Variants in SCN9A observed in about 807,000 individuals in gnomAD.
The protein encoded by SCN9A is sodium voltage-gated channel alpha subunit 9.
A neutral mutation model predicts 187.0 loss-of-function variants in SCN9A; 131 were observed. That is an observed-to-expected ratio of 0.70 (90% CI 0.61 to 0.81). The LOEUF is 0.81. Ranked by LOEUF, SCN9A falls within the 30% of genes least tolerant of loss-of-function variation. The pLI is 0.00. For missense variants in SCN9A, 2,252 were observed against 2,396.6 expected (o/e 0.94, Z 1.26); for synonymous variants, 809 against 808.6 (o/e 1.00, Z -0.01).
At chr2:166,236,915 TA>T (rs1345916245) in intron 20 of SCN9A, among the ~76,000 whole-genome samples, 3 of 152,170 alleles carry the variant, frequency 2.0e-5, no homozygotes, top group South Asian at 4.1e-4. Context: ...AACCCTTGGT[TA>T]AATTTTAAAG....
At chr2:166,226,424 T>A in intron 24 of SCN9A, 143 bp downstream of exon 24, 1 of 606,434 alleles carries the variant, frequency 1.6e-6, no homozygotes, top group Non-Finnish European at 2.8e-6. Flanking sequence ...TTTGTAATTG[T>A]ATACTAGTCA....
chr2:166,256,912 C>T lies in SCN9A; in HGVS notation c.3352-5027G>A, dbSNP rs564843751. On this transcript the variant is annotated intron_variant, in intron 17 of 26. Transcript: ENST00000642356. Reference sequence around the variant, plus strand: ...TTCTATCCAATAACATGAAAACTTACGTGACTAAATGATAAGATATGAATA... The same window carrying T: ...TTCTATCCAATAACATGAAAACTTATGTGACTAAATGATAAGATATGAATA... Among the ~76,000 whole-genome samples the T allele has an allele frequency of 2.6e-5, 4 of 151,596 alleles. 1 individual carries two copies. The highest frequency in any genetic ancestry group is 6.6e-5 in the Admixed American group (1 of 15,162).
At chr2:166,321,228 C>T (rs936982948) in intron 1 of SCN9A, among the ~76,000 whole-genome samples, 1 of 152,094 alleles carries the variant, frequency 6.6e-6, no homozygotes, top group Admixed American at 6.5e-5. Context: ...AACATAAATT[C>T]CATTCAATAG....
Position 166,311,660 on chromosome 2 carries a change from T to C in SCN9A, c.97A>G (p.Lys33Glu). 6.2e-7 allele frequency: 1 copy of C among 1,613,430 alleles called. No homozygotes were observed. Among genetic ancestry groups the C allele is most frequent in the Non-Finnish European group, 8.5e-7 (1 of 1,179,738 alleles). Residue 33 changes from lysine (K) to glutamate (E), a missense_variant, in exon 2 of 27, where the codon AAG becomes GAG. Physicochemically the swap from Lys to Glu is moderately conservative, Grantham distance 56 (BLOSUM62 1). Coordinates refer to ENST00000642356, the MANE Select transcript of SCN9A (RefSeq NM_001365536.1). ...IEQRIAERKS[K>E]EPKEEKKDDD... ...TCTTTCTTTTCTTCTTTGGGTTCCT[T>C]TGATTTTCTTTCAGCAATGCGTTGT...
At chr2:166,238,020 A>G in intron 20 of SCN9A, 74 bp downstream of exon 20, 1 of 1,015,062 alleles carries the variant, frequency 9.9e-7, no homozygotes, top group Non-Finnish European at 1.5e-6. Context: ...GATAATATGC[A>G]ATAGTGGTGA....
At chr2:166,201,276 CTATACA>C (rs1016783432) in intron 26 of SCN9A, among the ~76,000 whole-genome samples, 9 of 143,798 alleles carry the variant, frequency 6.3e-5, no homozygotes, top group East Asian at 6.0e-4. Context: ...TATACATATA[CTATACA>C]TATACATATA....
At chr2:166,333,151 G>T (rs895050480) in intron 1 of SCN9A, among the ~76,000 whole-genome samples, 2 of 151,906 alleles carry the variant, frequency 1.3e-5, no homozygotes, top group Admixed American at 1.3e-4. Flanking sequence ...GGAGTTACCA[G>T]AGTTAGCAAA....
At chr2:166,224,931 T>G (rs1694781638) in intron 24 of SCN9A, among the ~76,000 whole-genome samples, 1 of 152,154 alleles carries the variant, frequency 6.6e-6, no homozygotes, top group Non-Finnish European at 1.5e-5. Flanking sequence ...TTGTAAAATT[T>G]GACTACAATT....
chr2:166,350,917 T>C (rs955870341), intron 1 of SCN9A, among the ~76,000 whole-genome samples: 3 of 152,302 alleles, frequency 2.0e-5, no homozygotes, highest in East Asian at 1.9e-4. Context: ...ACTACAAATA[T>C]AAAGCGAATG....
intron 1 of SCN9A, among the ~76,000 whole-genome samples, chr2:166,337,185 C>A (rs1016422280): frequency 2.0e-5 from 3 of 152,032 alleles, no homozygotes; most frequent in African/African-American, 7.2e-5. Context: ...CAGTTGAACT[C>A]GGGATTCCAG....
At chr2:166,200,378 T>C (rs1693449416) in intron 26 of SCN9A, among the ~76,000 whole-genome samples, 1 of 152,156 alleles carries the variant, frequency 6.6e-6, no homozygotes, top group African/African-American at 2.4e-5. Context: ...ATTACCATTG[T>C]GACATTTTCT....
chr2:166,370,725 T>C (rs1171463529), intron 1 of SCN9A, among the ~76,000 whole-genome samples: 1 of 151,984 alleles, frequency 6.6e-6, no homozygotes, highest in Non-Finnish European at 1.5e-5. Context: ...TTTCCAATTA[T>C]TTGTACTAAT....
rs142956148 is a variant in SCN9A, at chr2:166,227,914, A to G, written c.4207-191T>C. Reference sequence around the variant, plus strand: ...ATTCCCAAGTAACATTCTAAATCTTAGTCCCAGTTAATTATTTCTAAATTG... The same window carrying G: ...ATTCCCAAGTAACATTCTAAATCTTGGTCCCAGTTAATTATTTCTAAATTG... On this transcript the variant is annotated intron_variant, in intron 22 of 26. Transcript: ENST00000642356. Among the ~76,000 whole-genome samples, 872 of 152,306 alleles carry G rather than the reference A, an allele frequency of 5.7e-3. 5 individuals carry two copies. Among genetic ancestry groups the G allele is most frequent in the African/African-American group, 0.02 (846 of 41,570 alleles).
rs1553472680 is a variant in SCN9A, at chr2:166,198,728, G to C, written c.5911C>G (p.Gln1971Glu). Residue 1971 changes from glutamine to glutamate, a missense_variant, in exon 27 of 27, where the codon CAA becomes GAA. Gln to Glu is a conservative substitution (Grantham distance 29). This residue lies in a region of SCN9A where 345 missense variants were observed against 344.6 expected (regional missense o/e 1.00). Coordinates refer to ENST00000642356, the MANE Select transcript of SCN9A (RefSeq NM_001365536.1). ...TTGTCTTCCTTTTCTGTTCTGTCTT[G>C]TTCATATTTCTCTTTGTCTGGCTTT... ...VTKPDKEKYE[Q>E]DRTEKEDKGK... 12 of 1,613,056 alleles carry C rather than the reference G, an allele frequency of 7.4e-6. No individual in the cohort carries two copies. The highest frequency in any genetic ancestry group is 1.0e-5 in the Non-Finnish European group (12 of 1,179,510).
intron 17 of SCN9A, among the ~76,000 whole-genome samples, chr2:166,261,952 A>G (rs1421748352): frequency 6.6e-6 from 1 of 152,034 alleles, no homozygotes; most frequent in Non-Finnish European, 1.5e-5. Flanking sequence ...AAATTGATTT[A>G]ATACTTTTCT....
rs73969615 is a variant in SCN9A, at chr2:166,196,338, A to G, written c.*2334T>C. 377 of 152,242 alleles carry G rather than the reference A, an allele frequency of 2.5e-3. 4 individuals are homozygous for G. Among genetic ancestry groups the G allele is most frequent in the African/African-American group, 8.7e-3 (361 of 41,546 alleles). The allele number at this position is 152,242 out of a possible 1,614,324, so 9.4% of individuals were successfully genotyped here. A position where few individuals can be genotyped will look rare whatever the true frequency, so the allele number is the denominator to read the frequency against. The stretch of plus-strand genomic sequence containing the variant: ...ATTCCTGAAACAAACGTAAATATAT[A>G]TAAAACTTAACCATGTTATTTTAAA... On this transcript the variant is annotated 3_prime_UTR_variant, in exon 27 of 27. Coordinates refer to ENST00000642356, the MANE Select transcript of SCN9A (RefSeq NM_001365536.1).
intron 1 of SCN9A, among the ~76,000 whole-genome samples, chr2:166,347,927 G>A (rs922354848): frequency 6.6e-6 from 1 of 152,146 alleles, no homozygotes; most frequent in Non-Finnish European, 1.5e-5. Flanking sequence ...TAGGATCGGA[G>A]TGCCAGATAA....
rs1366894011 is a variant in SCN9A, at chr2:166,306,515, A to T, written c.462T>A (p.Asn154Lys). 1 of 1,537,588 alleles carries T rather than the reference A, an allele frequency of 6.5e-7. No homozygotes were observed. The highest frequency in any genetic ancestry group is 8.9e-7 in the Non-Finnish European group (1 of 1,125,110). Reference protein sequence around the residue: ...TMNNPPDWTKNVEYTFTGIYT... With the variant: ...TMNNPPDWTKKVEYTFTGIYT... The stretch of plus-strand genomic sequence containing the variant: ...ATGTACTTATACCCACTTACTCGAC[A>T]TTTTTGGTCCAGTCCGGTGGGTTAT... The change falls in exon 4 of 27, where the codon AAT (asparagine) becomes AAA (lysine). Residue 154 changes from asparagine (N) to lysine (K), a missense_variant. Asn to Lys is a moderately conservative substitution (Grantham distance 94). Coordinates refer to ENST00000642356, the MANE Select transcript of SCN9A (RefSeq NM_001365536.1).
In SCN9A at chr2:166,216,132, A is replaced by C. The variant is rs566992975; in HGVS notation, c.4398+10435T>G. 3.3e-5 allele frequency among the ~76,000 whole-genome samples: 5 copies of C among 152,228 alleles called. No homozygotes were observed. In the South Asian group the frequency reaches 1.0e-3, roughly 32 times the overall value. ...TGCTACATTAACAAAATAAGAACAAAAATCATATGATCATCTTACTAGATG... is the reference window on the plus strand; with the variant it reads ...TGCTACATTAACAAAATAAGAACAACAATCATATGATCATCTTACTAGATG... On this transcript the variant is annotated intron_variant, in intron 24 of 26. Transcript: ENST00000642356.
Sources: allele counts gnomAD v4.1 joint callset (sites outside exome capture counted in the v4.1 genomes callset), GRCh38; gene constraint gnomAD v4.1.1; regional missense constraint gnomAD v4.1.1; transcripts MANE v1.5; gene names NCBI Gene and HGNC (gene_info 2026-07-23, HGNC 2026-07-21).